The following RGS6 variants were observed in gnomAD, a reference collection of about 807,000 sequenced individuals.
RGS6 encodes regulator of G protein signaling 6.
Under a neutral mutation model 78.5 loss-of-function variants are expected in RGS6, and 30 were observed. The observed-to-expected ratio is 0.38, with a 90% CI of 0.29 to 0.52. RGS6 has a LOEUF of 0.52. Ranked by LOEUF, RGS6 falls within the 20% of genes least tolerant of loss-of-function variation. The probability of loss-of-function intolerance (pLI) is 0.85; values close to 1 mark genes in which losing one functional copy is unlikely to be tolerated. For synonymous variants in RGS6, 206 were observed against 206.0 expected (o/e 1.00, Z 0.00); for missense variants, 495 against 609.7 (o/e 0.81, Z 1.98).
chr14:72,099,236 T>C (rs2095477179), intron 2 of RGS6, among the ~76,000 whole-genome samples: 1 of 152,174 alleles, frequency 6.6e-6, no homozygotes, highest in Non-Finnish European at 1.5e-5. Flanking sequence ...CTCGGCTCCC[T>C]GCAAGCTCTG....
At chr14:72,495,573 C>A (rs2096634397) in intron 13 of RGS6, among the ~76,000 whole-genome samples, 1 of 152,046 alleles carries the variant, frequency 6.6e-6, no homozygotes, top group Non-Finnish European at 1.5e-5. Flanking sequence ...TGTTAGACAG[C>A]AACAATAATG....
intron 2 of RGS6, among the ~76,000 whole-genome samples, chr14:72,089,130 G>T (rs1182770271): frequency 6.6e-6 from 1 of 152,206 alleles, no homozygotes; most frequent in Non-Finnish European, 1.5e-5. Context: ...AAGAGAACAA[G>T]AATCTTGACT....
At chr14:72,459,598 G>A (rs774422904) in intron 5 of RGS6, 34 bp from the exon 6 acceptor site, 60 of 1,610,690 alleles carry the variant, frequency 3.7e-5, no homozygotes, top group African/African-American at 8.0e-5. Flanking sequence ...GGCATGGCGC[G>A]CCCCTGAGCA....
rs55889235 is a variant in RGS6, at chr14:72,557,058, C to A, written c.1423-5359C>A. On this transcript the variant is annotated intron_variant, in intron 17 of 17. Transcript: ENST00000553525. ...CACAGGCTCCCGCCCCTCCTCACTG[C>A]GGAAGGGTGAGAAAGACAGGAATGG... Among the ~76,000 whole-genome samples, 134 of 152,312 alleles carry A rather than the reference C, an allele frequency of 8.8e-4. 1 individual carries two copies. Among genetic ancestry groups the A allele is most frequent in the Admixed American group, 7.8e-3 (119 of 15,306 alleles).
chr14:72,510,165 G>A lies in RGS6; in HGVS notation c.977G>A (p.Ser326Asn). ...CCTTCACCCCAAAGCAAAGAGCCCA[G>A]CCAACAGCGAGTAAAAAGATGGGGC... The part of the protein sequence containing the change: ...LWDIEMSKEP[S>N]QQRVKRWGFS... Residue 326 changes from serine to asparagine, a missense_variant, in exon 14 of 18, where the codon AGC (serine) becomes AAC (asparagine). Transcript: ENST00000553525. 1 of 1,610,412 alleles carries A rather than the reference G, an allele frequency of 6.2e-7. No homozygotes were observed. The highest frequency in any genetic ancestry group is 1.1e-5 in the South Asian group (1 of 90,166).
chr14:71,936,030 A>ATATATACATATATATATATG (rs1555390439), intron 1 of RGS6, among the ~76,000 whole-genome samples: 2 of 133,222 alleles, frequency 1.5e-5, no homozygotes, highest in African/African-American at 5.4e-5. Context: ...ATATATATAT[A>ATATATACATATATATATATG]TATATATATA....
chr14:72,550,388 C>T, intron 17 of RGS6: 2 of 1,314,382 alleles, frequency 1.5e-6, no homozygotes, highest in Non-Finnish European at 1.1e-6. Flanking sequence ...AACCATTCCA[C>T]ACCATGCCCC....
intron 2 of RGS6, among the ~76,000 whole-genome samples, chr14:72,239,037 GT>G (rs11310093): frequency 0.31 from 46,890 of 151,988 alleles, 7,948 homozygotes; most frequent in South Asian, 0.43. Context: ...AGAGACTGAA[GT>G]TAAGTTTCAG....
the RGS6 span, among the ~76,000 whole-genome samples, chr14:71,878,181 T>TG: frequency 1.3e-5 from 2 of 152,198 alleles, no homozygotes; most frequent in Admixed American, 1.3e-4. Context: ...AACTCCATGC[T>TG]GGGGGAATGA....
At chr14:72,233,521 A>G (rs1315416450) in intron 2 of RGS6, among the ~76,000 whole-genome samples, 1 of 152,198 alleles carries the variant, frequency 6.6e-6, no homozygotes, top group Non-Finnish European at 1.5e-5. Flanking sequence ...AGCACCTTCC[A>G]CAGCCTCTGC....
intron 2 of RGS6, among the ~76,000 whole-genome samples, chr14:72,248,772 C>G (rs1194791131): frequency 2.6e-5 from 4 of 152,142 alleles, no homozygotes; most frequent in Non-Finnish European, 5.9e-5. Flanking sequence ...ACTCTTGAGC[C>G]CTGACCCAGA....
At chr14:71,869,819 G>A in the RGS6 span, among the ~76,000 whole-genome samples, 1 of 152,090 alleles carries the variant, frequency 6.6e-6, no homozygotes, top group African/African-American at 2.4e-5. Context: ...ATGCAATTAG[G>A]CCATGAGGAT....
intron 2 of RGS6, among the ~76,000 whole-genome samples, chr14:72,169,640 G>A (rs981026501): frequency 6.6e-6 from 1 of 152,174 alleles, no homozygotes; most frequent in Non-Finnish European, 1.5e-5. Context: ...GAGAGTGACT[G>A]TTAAAACTTT....
chr14:72,386,349 A>G (rs1180430918), intron 3 of RGS6, among the ~76,000 whole-genome samples: 1 of 152,024 alleles, frequency 6.6e-6, no homozygotes, highest in Non-Finnish European at 1.5e-5. Context: ...ACCAGCCTGG[A>G]CAACACGGTG....
chr14:72,324,244 CTA>C (rs2073045309), intron 2 of RGS6, among the ~76,000 whole-genome samples: 1 of 152,008 alleles, frequency 6.6e-6, no homozygotes, highest in Non-Finnish European at 1.5e-5. Context: ...AAAAATCAGT[CTA>C]TTCAAAAATG....
At chr14:71,922,232 A>G in the RGS6 span, among the ~76,000 whole-genome samples, 2 of 152,056 alleles carry the variant, frequency 1.3e-5, no homozygotes, top group Non-Finnish European at 2.9e-5. Context: ...TCCTCTCACA[A>G]TCCTCTTCTA....
chr14:72,369,990 T>A (rs2083164008), intron 3 of RGS6, among the ~76,000 whole-genome samples: 1 of 152,168 alleles, frequency 6.6e-6, no homozygotes, highest in Admixed American at 6.5e-5. Flanking sequence ...AGTAAGAGCT[T>A]TTAGAACTTG....
chr14:72,341,188 T>C (rs1246386825), intron 2 of RGS6, among the ~76,000 whole-genome samples: 3 of 117,014 alleles, frequency 2.6e-5, no homozygotes, highest in Non-Finnish European at 5.4e-5. Context: ...CTCAGGAAAC[T>C]TACAGTCATA....
At chr14:72,308,197 T>G (rs1303007414) in intron 2 of RGS6, among the ~76,000 whole-genome samples, 1 of 152,190 alleles carries the variant, frequency 6.6e-6, no homozygotes, top group Non-Finnish European at 1.5e-5. Flanking sequence ...AGAACGATGC[T>G]GAGTAAAGGA....
Sources: gnomAD v4.1 joint callset for allele counts (sites outside exome capture counted in the v4.1 genomes callset) on GRCh38, gnomAD v4.1.1 for gene constraint, MANE v1.5 for transcripts, NCBI Gene and HGNC (gene_info 2026-07-23, HGNC 2026-07-21) for gene names.